Variants in GPHN observed in about 807,000 individuals in gnomAD.
GPHN encodes gephyrin.
GPHN carries 17 observed loss-of-function variants against 95.5 expected under a neutral mutation model. That is an observed-to-expected ratio of 0.18 (90% CI 0.12 to 0.27). GPHN has a LOEUF of 0.27. Among genes scored for constraint, GPHN ranks in the 10% least tolerant of loss-of-function variants. The pLI is 1.00. For synonymous variants in GPHN, 320 were observed against 322.5 expected (o/e 0.99, Z 0.08); for missense variants, 660 against 978.1 (o/e 0.67, Z 4.34).
At chr14:67,281,234 C>A in the GPHN span, among the ~76,000 whole-genome samples, 278 of 152,208 alleles carry the variant, frequency 1.8e-3, no homozygotes, top group Non-Finnish European at 3.3e-3. Flanking sequence ...ACATCATCTT[C>A]TTTTCTTTGT....
At chr14:66,943,912 A>T (rs1045834141) in intron 8 of GPHN, among the ~76,000 whole-genome samples, 11 of 152,176 alleles carry the variant, frequency 7.2e-5, no homozygotes, top group African/African-American at 2.7e-4. Context: ...GCAAAAACAG[A>T]TTTTCAGAGG....
At chr14:66,712,201 C>A (rs540989986) in intron 2 of GPHN, among the ~76,000 whole-genome samples, 1 of 152,136 alleles carries the variant, frequency 6.6e-6, no homozygotes, top group African/African-American at 2.4e-5. Flanking sequence ...ATTTACACTC[C>A]CACCAACAGT....
chr14:67,544,896 G>T, the GPHN span, among the ~76,000 whole-genome samples: 1 of 152,198 alleles, frequency 6.6e-6, no homozygotes, highest in African/African-American at 2.4e-5. Flanking sequence ...TATCTATCAA[G>T]TAAGATTCCA....
At chr14:66,813,735 A>T (rs142329739) in intron 3 of GPHN, among the ~76,000 whole-genome samples, 1 of 152,300 alleles carries the variant, frequency 6.6e-6, no homozygotes, top group East Asian at 1.9e-4. Context: ...CTTTAGTCCT[A>T]GGAGAACTGT....
At chr14:66,539,294 C>A (rs962366249) in intron 1 of GPHN, among the ~76,000 whole-genome samples, 2 of 152,034 alleles carry the variant, frequency 1.3e-5, no homozygotes, top group South Asian at 2.1e-4. Context: ...CCTTCTAGCA[C>A]GTCTCCCAGC....
At chr14:67,159,073 A>G (rs911014083) in intron 18 of GPHN, among the ~76,000 whole-genome samples, 1 of 152,172 alleles carries the variant, frequency 6.6e-6, no homozygotes, top group African/African-American at 2.4e-5. Context: ...CGCACCAGCT[A>G]ATGATATTAT....
At chr14:67,334,767 C>G in the GPHN span, 1 of 152,204 alleles carries the variant, frequency 6.6e-6, no homozygotes, top group Non-Finnish European at 1.5e-5. Context: ...TTTCACAGGT[C>G]ACACCGATTT....
At chr14:67,408,764 C>T in the GPHN span, among the ~76,000 whole-genome samples, 1 of 152,200 alleles carries the variant, frequency 6.6e-6, no homozygotes, top group Admixed American at 6.5e-5. Context: ...GCCTCCAGAA[C>T]TCCTTCTGCT....
intron 2 of GPHN, among the ~76,000 whole-genome samples, chr14:66,749,768 A>T (rs1257489674): frequency 6.6e-6 from 1 of 151,654 alleles, no homozygotes. Context: ...TTGCCATTTG[A>T]AAATATTTTC....
At chr14:66,604,005 G>T (rs542092729) in intron 1 of GPHN, among the ~76,000 whole-genome samples, 1 of 152,044 alleles carries the variant, frequency 6.6e-6, no homozygotes, top group Non-Finnish European at 1.5e-5. Context: ...AGGTCTTGGG[G>T]AATGAACACT....
At position 66,528,558 on chromosome 14, in the gene GPHN, C is replaced by T. The variant is rs527574418; in HGVS notation, c.64+19967C>T. ...AGTTGATGCAGCTTCTTCATAGTGA[C>T]GATGGTTTTTACAATTTGGTGTGTT... On this transcript the variant is annotated intron_variant, in intron 1 of 22. Coordinates refer to ENST00000478722, the MANE Select transcript of GPHN (RefSeq NM_020806.5). Among the ~76,000 whole-genome samples, 14 of 152,248 alleles carry T rather than the reference C, an allele frequency of 9.2e-5. No individual in the cohort carries two copies. In the South Asian group the frequency reaches 1.2e-3, roughly 14 times the overall value.
chr14:67,522,457 T>A, the GPHN span, among the ~76,000 whole-genome samples: 1 of 152,220 alleles, frequency 6.6e-6, no homozygotes, highest in Non-Finnish European at 1.5e-5. Flanking sequence ...AGCCTGGTTA[T>A]GAGAAGGCTT....
Position 66,592,451 on chromosome 14 carries a change from A to G in GPHN, c.64+83860A>G, listed in dbSNP as rs531954006. On this transcript the variant is annotated intron_variant, in intron 1 of 22. Coordinates refer to ENST00000478722, the MANE Select transcript of GPHN (RefSeq NM_020806.5). ...GAATCTAGAAGAAACTTAAACAAAT[A>G]TACAAGAAAAAAAAAAAAACCCCGT... 8.3e-5 allele frequency among the ~76,000 whole-genome samples: 11 copies of G among 132,030 alleles called. No individual in the cohort carries two copies. The East Asian group carries it at 2.6e-3, about 31-fold the overall frequency. The allele number at this position is 132,030 out of a possible 152,430, so 86.6% of individuals were successfully genotyped here.
intron 9 of GPHN, among the ~76,000 whole-genome samples, chr14:66,968,245 C>A (rs942887981): frequency 6.6e-6 from 1 of 151,476 alleles, no homozygotes; most frequent in African/African-American, 2.4e-5. Flanking sequence ...ATTAACTATA[C>A]CAAGGAATAA....
intron 1 of GPHN, among the ~76,000 whole-genome samples, chr14:66,616,401 T>C (rs1156916645): frequency 1.4e-5 from 2 of 146,810 alleles, no homozygotes; most frequent in East Asian, 2.2e-4. Flanking sequence ...TCAGCTGTTG[T>C]TGTTGCTTTC....
At chr14:67,142,566 T>C (rs1407674819) in intron 17 of GPHN, among the ~76,000 whole-genome samples, 1 of 152,220 alleles carries the variant, frequency 6.6e-6, no homozygotes, top group Non-Finnish European at 1.5e-5. Flanking sequence ...ATTAATATCC[T>C]ATATGAGTAG....
the GPHN span, chr14:67,599,972 C>T: frequency 6.8e-7 from 1 of 1,477,198 alleles, no homozygotes. Flanking sequence ...AAAGACCCTC[C>T]CAAAGCCGAA....
the GPHN span, among the ~76,000 whole-genome samples, chr14:67,341,922 A>G: frequency 6.6e-6 from 1 of 151,886 alleles, no homozygotes; most frequent in Non-Finnish European, 1.5e-5. Context: ...TGCTGTGTCC[A>G]CTCAGGGTTA....
the GPHN span, among the ~76,000 whole-genome samples, chr14:67,701,664 C>T: frequency 3.9e-5 from 6 of 152,002 alleles, no homozygotes; most frequent in Admixed American, 2.6e-4. Flanking sequence ...CCTTGTGATC[C>T]GCCCACTTCA....
Sources: gnomAD v4.1 joint callset for allele counts (sites outside exome capture counted in the v4.1 genomes callset) on GRCh38, gnomAD v4.1.1 for gene constraint, MANE v1.5 for transcripts, NCBI Gene and HGNC (gene_info 2026-07-23, HGNC 2026-07-21) for gene names.